Variants in TPO observed in about 807,000 individuals in gnomAD.
TPO encodes thyroid peroxidase.
In TPO, 78 loss-of-function variants were observed where a neutral mutation model predicts 96.9. That is an observed-to-expected ratio of 0.81 (90% CI 0.67 to 0.97). TPO has a LOEUF of 0.97. Among genes scored for constraint, TPO ranks in the 50% least tolerant of loss-of-function variants. The probability of loss-of-function intolerance (pLI) is 0.00; values close to 1 mark genes in which losing one functional copy is unlikely to be tolerated. For synonymous variants in TPO, 547 were observed against 538.0 expected (o/e 1.02, Z -0.23); for missense variants, 1,252 against 1,274.8 (o/e 0.98, Z 0.27).
chr2:1,477,930 G>GC (rs1670142453), intron 8 of TPO: 1 of 985,240 alleles, frequency 1.0e-6, no homozygotes, highest in South Asian at 4.7e-5. Context: ...AACAACCACA[G>GC]CCCCACAACA....
At chr2:1,517,680 C>T (rs1674848655) in intron 15 of TPO, among the ~76,000 whole-genome samples, 2 of 142,962 alleles carry the variant, frequency 1.4e-5, no homozygotes, top group Non-Finnish European at 3.0e-5. Context: ...CTGCCTCTCA[C>T]CTTGCTGCTG....
intron 3 of TPO, among the ~76,000 whole-genome samples, chr2:1,427,183 G>A (rs1457810401): frequency 6.6e-6 from 1 of 152,246 alleles, no homozygotes; most frequent in African/African-American, 2.4e-5. Flanking sequence ...GCACACAGAA[G>A]GGGCCACATC....
chr2:1,416,953 A>C (rs1663024359), intron 2 of TPO, among the ~76,000 whole-genome samples: 1 of 152,186 alleles, frequency 6.6e-6, no homozygotes, highest in Non-Finnish European at 1.5e-5. Context: ...CCGTAAGCAC[A>C]TGGTGCTCCG....
chr2:1,501,087 T>C (rs1306746045), intron 13 of TPO, among the ~76,000 whole-genome samples: 1 of 152,158 alleles, frequency 6.6e-6, no homozygotes, highest in Non-Finnish European at 1.5e-5. Flanking sequence ...CCATGAGTTA[T>C]TGTCAGGAGG....
intron 13 of TPO, 137 bp downstream of exon 13, chr2:1,496,902 G>GA (rs1558365625): frequency 2.3e-6 from 3 of 1,325,150 alleles, no homozygotes; most frequent in South Asian, 2.5e-5. Flanking sequence ...TCTGGGGATA[G>GA]AAAGCAAGGG....
upstream of TPO, among the ~76,000 whole-genome samples, chr2:1,410,597 T>C (rs1290191794): frequency 6.6e-6 from 1 of 152,052 alleles, no homozygotes; most frequent in Admixed American, 6.6e-5. Context: ...TATTCAGTAA[T>C]CAGATTTCCC....
intron 4 of TPO, 55 bp downstream of exon 4, chr2:1,433,662 T>G: frequency 6.3e-7 from 1 of 1,584,190 alleles, no homozygotes; most frequent in Non-Finnish European, 8.6e-7. Context: ...GGAGGACACC[T>G]TGACTTTGTG....
At chr2:1,383,427 G>A (rs1339652380) in intron 1 of TPO, among the ~76,000 whole-genome samples, 2 of 152,206 alleles carry the variant, frequency 1.3e-5, no homozygotes, top group African/African-American at 4.8e-5. Context: ...TTTAACTGGT[G>A]AGAGATGATA....
intron 2 of TPO, among the ~76,000 whole-genome samples, chr2:1,420,711 A>G (rs1663424819): frequency 6.6e-6 from 1 of 152,138 alleles, no homozygotes; most frequent in African/African-American, 2.4e-5. Context: ...TGGTTTAGAA[A>G]GGTCACTTGG....
At chr2:1,396,966 GT>G (rs1377798546) in intron 1 of TPO, among the ~76,000 whole-genome samples, 1 of 152,132 alleles carries the variant, frequency 6.6e-6, no homozygotes, top group Non-Finnish European at 1.5e-5. Flanking sequence ...CAGCATACTT[GT>G]TTTCAATGTA....
At chr2:1,470,793 G>T (rs1246134944) in intron 7 of TPO, among the ~76,000 whole-genome samples, 2 of 152,080 alleles carry the variant, frequency 1.3e-5, no homozygotes, top group African/African-American at 4.8e-5. Flanking sequence ...AATCTTATTT[G>T]TAATTTCCCA....
At chr2:1,437,177 G>A (rs74477734) in intron 5 of TPO, among the ~76,000 whole-genome samples, 4,232 of 152,300 alleles carry the variant, frequency 0.028, 109 homozygotes, top group South Asian at 0.12. Flanking sequence ...TGCAAAGGCC[G>A]GAAAGAGCAA....
At chr2:1,531,040 A>G (rs1168041119) in intron 15 of TPO, among the ~76,000 whole-genome samples, 6 of 68,018 alleles carry the variant, frequency 8.8e-5, no homozygotes, top group African/African-American at 1.9e-4. Context: ...ACTGTGTGCA[A>G]CCCCCCCAAA....
rs930282373 is a variant in TPO, at chr2:1,471,590, C to A, written c.820-5496C>A. Among the ~76,000 whole-genome samples, 5 of 152,252 alleles carry A rather than the reference C, an allele frequency of 3.3e-5. No homozygotes were observed. The East Asian group carries it at 5.8e-4, about 18-fold the overall frequency. ...TGTAAAACTTAAACTGTGCCTGACT[C>A]TCCCGACACGAGTCTCTTCCTCTCC... On this transcript the variant is annotated intron_variant, in intron 7 of 16. Coordinates refer to ENST00000329066, the MANE Select transcript of TPO (RefSeq NM_001206744.2).
chr2:1,450,268 C>T (rs1377137224), intron 5 of TPO, among the ~76,000 whole-genome samples: 5 of 152,218 alleles, frequency 3.3e-5, no homozygotes, highest in Non-Finnish European at 7.3e-5. Context: ...GTCTTGCGGC[C>T]TCAGTCCACA....
chr2:1,433,827 C>G (rs537147810), intron 4 of TPO, among the ~76,000 whole-genome samples: 1 of 152,328 alleles, frequency 6.6e-6, no homozygotes, highest in South Asian at 2.1e-4. Context: ...CATTTCTCTC[C>G]TATCCAAATC....
intron 1 of TPO, among the ~76,000 whole-genome samples, chr2:1,378,070 G>A (rs115733863): frequency 1.3e-5 from 2 of 152,122 alleles, no homozygotes; most frequent in Non-Finnish European, 2.9e-5. Flanking sequence ...GGTTCTCATT[G>A]TCGCTTGTCT....
chr2:1,477,935 A>G lies in TPO; in HGVS notation c.1338+331A>G, dbSNP rs2175978. ...ACCAAGACCCAACAACCACAGCCCC[A>G]CAACAGTGGCAGCCAGACCACCCAG... On this transcript the variant is annotated intron_variant, in intron 8 of 16. Transcript: ENST00000329066. 3.8e-4 allele frequency: 373 copies of G among 984,982 alleles called. 2 individuals carry two copies. The South Asian group carries it at 8.8e-3, about 23-fold the overall frequency. The allele number at this position is 984,982 out of a possible 1,614,324, so 61.0% of individuals were successfully genotyped here. A position where few individuals can be genotyped will look rare whatever the true frequency, so the allele number is the denominator to read the frequency against.
chr2:1,447,596 C>G (rs578091463), intron 5 of TPO, among the ~76,000 whole-genome samples: 1 of 152,220 alleles, frequency 6.6e-6, no homozygotes, highest in East Asian at 1.9e-4. Flanking sequence ...TTTTACAGAG[C>G]TTGACTCTTC....
Sources: gnomAD v4.1 joint callset for allele counts (sites outside exome capture counted in the v4.1 genomes callset) on GRCh38, gnomAD v4.1.1 for gene constraint, MANE v1.5 for transcripts, NCBI Gene and HGNC (gene_info 2026-07-23, HGNC 2026-07-21) for gene names.